Variants in ARL8B observed in about 807,000 individuals in gnomAD.
ARL8B encodes the protein ADP-ribosylation factor-like protein 8B.
A neutral mutation model predicts 30.6 loss-of-function variants in ARL8B; 9 were observed. The ratio of observed to expected loss-of-function variants is 0.29; its 90% CI spans 0.18 to 0.51. The LOEUF (loss-of-function observed/expected upper bound fraction) is 0.51. Ranked by LOEUF, ARL8B falls within the 20% of genes least tolerant of loss-of-function variation. The probability of loss-of-function intolerance (pLI) is 0.97; values close to 1 mark genes in which losing one functional copy is unlikely to be tolerated. For missense variants in ARL8B, 130 were observed against 227.2 expected, an observed-to-expected ratio of 0.57 and a Z score of 2.75; for synonymous variants, 74 against 76.0, an observed-to-expected ratio of 0.97 and a Z score of 0.14.
chr3:5,127,917 C>CA (rs1387197206), intron 1 of ARL8B, among the ~76,000 whole-genome samples: 5 of 139,410 alleles, frequency 3.6e-5, no homozygotes, highest in Non-Finnish European at 7.6e-5. Context: ...GGGCCAGGCG[C>CA]AATGGCTTAC....
At chr3:5,162,734 T>C (rs2054592874) in intron 1 of ARL8B, among the ~76,000 whole-genome samples, 1 of 152,216 alleles carries the variant, frequency 6.6e-6, no homozygotes, top group Non-Finnish European at 1.5e-5. Context: ...AACTTTATTC[T>C]TTAGTAATAA....
intron 1 of ARL8B, among the ~76,000 whole-genome samples, chr3:5,142,786 T>C (rs988632914): frequency 6.6e-6 from 1 of 152,192 alleles, no homozygotes; most frequent in Non-Finnish European, 1.5e-5. Flanking sequence ...ATGGGGTCTT[T>C]CCCTGTGATG....
chr3:5,150,646 G>C (rs1366768218), intron 1 of ARL8B, among the ~76,000 whole-genome samples: 5 of 151,906 alleles, frequency 3.3e-5, no homozygotes, highest in African/African-American at 1.2e-4. Context: ...AGCTGGGCGT[G>C]GTGGCACATG....
intron 1 of ARL8B, among the ~76,000 whole-genome samples, chr3:5,154,851 C>T (rs1219093984): frequency 6.6e-6 from 1 of 152,112 alleles, no homozygotes; most frequent in Non-Finnish European, 1.5e-5. Flanking sequence ...GCTGGGATTA[C>T]AGGGGCATGC....
At chr3:5,123,822 A>G (rs2106549235) in intron 1 of ARL8B, among the ~76,000 whole-genome samples, 1 of 152,346 alleles carries the variant, frequency 6.6e-6, no homozygotes, top group East Asian at 1.9e-4. Context: ...AGAATGATGT[A>G]TATAAGGAAG....
Position 5,122,354 on chromosome 3 carries a change from G to T in ARL8B, c.-112G>T. 1 of 1,555,466 alleles carries T rather than the reference G, an allele frequency of 6.4e-7. No homozygotes were observed. ...GCCCGCCGGTGTCCGCCCGTGTCGC[G>T]CCGGGGCACCAAGGAGCCGTTGGAG... On this transcript the variant is annotated 5_prime_UTR_variant, in exon 1 of 7. Transcript: ENST00000256496.
Position 5,122,474 on chromosome 3 carries a change from G to C in ARL8B, c.9G>C (p.Ala3=). Residue 3 remains alanine, a synonymous_variant, in exon 1 of 7, where the codon GCG becomes GCC. Coordinates refer to ENST00000256496, the MANE Select transcript of ARL8B (RefSeq NM_018184.3). ML[A]LISRLLDWFR... Reference sequence around the variant, plus strand: ...CGCTCCCGGCCGCCATCATGCTGGCGCTCATCTCCCGCCTGCTGGACTGGT... The same window carrying C: ...CGCTCCCGGCCGCCATCATGCTGGCCCTCATCTCCCGCCTGCTGGACTGGT... 1.2e-6 allele frequency: 2 copies of C among 1,613,336 alleles called. No individual in the cohort carries two copies. The highest frequency in any genetic ancestry group is 2.2e-5 in the South Asian group (2 of 91,030).
At chr3:5,155,971 C>G (rs1038963247) in intron 1 of ARL8B, among the ~76,000 whole-genome samples, 12 of 150,814 alleles carry the variant, frequency 8.0e-5, no homozygotes, top group Admixed American at 2.0e-4. Flanking sequence ...GGCGCGATCT[C>G]AGCTCACGGC....
chr3:5,144,483 G>T (rs1196176786), intron 1 of ARL8B, among the ~76,000 whole-genome samples: 1 of 152,122 alleles, frequency 6.6e-6, no homozygotes, highest in Non-Finnish European at 1.5e-5. Flanking sequence ...ATTACACAGA[G>T]CCTGGGGTCC....
At chr3:5,134,653 T>A (rs1190603242) in intron 1 of ARL8B, among the ~76,000 whole-genome samples, 1 of 152,226 alleles carries the variant, frequency 6.6e-6, no homozygotes, top group Non-Finnish European at 1.5e-5. Flanking sequence ...ACATTACTGA[T>A]CATTTTACTG....
At chr3:5,135,840 G>A (rs1342412319) in intron 1 of ARL8B, among the ~76,000 whole-genome samples, 1 of 149,120 alleles carries the variant, frequency 6.7e-6, no homozygotes, top group Non-Finnish European at 1.5e-5. Flanking sequence ...AGGCTGGAGT[G>A]CAGTGGCGCG....
At chr3:5,166,828 C>G (rs1434967079) in intron 1 of ARL8B, among the ~76,000 whole-genome samples, 2 of 152,166 alleles carry the variant, frequency 1.3e-5, no homozygotes, top group African/African-American at 4.8e-5. Context: ...ACTGATAGAA[C>G]TTTCTAGGAC....
At chr3:5,152,065 G>A (rs998833918) in intron 1 of ARL8B, among the ~76,000 whole-genome samples, 7 of 152,196 alleles carry the variant, frequency 4.6e-5, no homozygotes, top group African/African-American at 1.7e-4. Context: ...ATGTGCATTT[G>A]AAAAGAATGT....
intron 5 of ARL8B, 50 bp downstream of exon 5, chr3:5,174,134 T>G (rs1466034105): frequency 6.6e-7 from 1 of 1,505,644 alleles, no homozygotes; most frequent in South Asian, 1.1e-5. Context: ...ATTACCATAT[T>G]TTGCCCACTT....
intron 1 of ARL8B, among the ~76,000 whole-genome samples, chr3:5,127,227 C>A (rs1186020404): frequency 6.6e-6 from 1 of 152,172 alleles, no homozygotes; most frequent in East Asian, 1.9e-4. Context: ...AAAGCTAATT[C>A]GTAGCAGAGA....
Position 5,172,203 on chromosome 3 carries a change from C to A in ARL8B, c.258C>A (p.Cys86Ter). ...TTCGAAGCATGTGGGAGCGGTATTG[C>A]AGAGGAGTCAATGCTATTGTGTAAG... The part of the protein sequence containing the change: ...PRFRSMWERY[C>*]RGVNAIVYMI... Residue 86 changes from cysteine to a stop codon, truncating the protein, a stop_gained, in exon 3 of 7, where the codon TGC (cysteine) becomes TGA (stop). Coordinates refer to ENST00000256496, the MANE Select transcript of ARL8B (RefSeq NM_018184.3). LOFTEE classifies it high-confidence loss of function. The A allele has an allele frequency of 6.2e-7, 1 of 1,613,328 alleles. No homozygotes were observed.
chr3:5,132,064 T>C (rs983108016), intron 1 of ARL8B, among the ~76,000 whole-genome samples: 2 of 152,108 alleles, frequency 1.3e-5, no homozygotes, highest in Non-Finnish European at 2.9e-5. Flanking sequence ...AAAAATTTGT[T>C]TTTTTGTAGA....
chr3:5,133,376 G>T (rs1208235055), intron 1 of ARL8B, among the ~76,000 whole-genome samples: 1 of 152,174 alleles, frequency 6.6e-6, no homozygotes, highest in East Asian at 1.9e-4. Flanking sequence ...TTGGTTACAA[G>T]GTTATTACAG....
intron 1 of ARL8B, among the ~76,000 whole-genome samples, chr3:5,151,954 C>G (rs1436942122): frequency 6.6e-6 from 1 of 152,194 alleles, no homozygotes; most frequent in Non-Finnish European, 1.5e-5. Flanking sequence ...CTTGAATCCT[C>G]CCACCTTGGC....
Sources: gnomAD v4.1 joint callset for allele counts (sites outside exome capture counted in the v4.1 genomes callset) on GRCh38, gnomAD v4.1.1 for gene constraint, MANE v1.5 for transcripts, NCBI Gene and HGNC (gene_info 2026-07-23, HGNC 2026-07-21) for gene names.